ABCC2: variants seen among roughly 807,000 people sequenced by gnomAD.
ABCC2 encodes ATP binding cassette subfamily C member 2.
ABCC2 carries 157 observed loss-of-function variants against 173.4 expected under a neutral mutation model. The ratio of observed to expected loss-of-function variants is 0.91; its 90% CI spans 0.80 to 1.03. ABCC2 has a LOEUF of 1.03. ABCC2 is among the 50% of genes least tolerant of loss of function. The pLI is 0.00. For synonymous variants in ABCC2, 657 were observed against 693.5 expected (o/e 0.95, Z 0.83); for missense variants, 1,822 against 1,852.3 (o/e 0.98, Z 0.30).
At chr10:99,816,531 C>T (rs7900740) in intron 16 of ABCC2, among the ~76,000 whole-genome samples, 3,332 of 152,178 alleles carry the variant, frequency 0.022, 137 homozygotes, top group African/African-American at 0.075. Flanking sequence ...CCGCCCACTT[C>T]GGCCTCCCAA....
rs1479117074 is a variant in ABCC2, at chr10:99,846,989, G to A, written c.4175G>A (p.Arg1392Lys). Residue 1392 changes from arginine (R) to lysine (K), a missense_variant, in exon 30 of 32, where the codon AGG (arginine) becomes AAG (lysine). By Grantham distance (26) the Arg-to-Lys change is conservative (BLOSUM62 2). Coordinates refer to ENST00000647814, the MANE Select transcript of ABCC2 (RefSeq NM_000392.5). The part of the protein sequence containing the change: ...QDPILFSGSL[R>K]MNLDPFNNYS... ...CCCATCCTGTTCTCTGGAAGCCTGAGGATGAATCTCGACCCTTTCAACAAC... is the reference window on the plus strand; with the variant it reads ...CCCATCCTGTTCTCTGGAAGCCTGAAGATGAATCTCGACCCTTTCAACAAC... 5 of 1,614,034 alleles carry A rather than the reference G, an allele frequency of 3.1e-6. No homozygotes were observed. The highest frequency in any genetic ancestry group is 1.3e-5 in the African/African-American group (1 of 75,042).
chr10:99,827,828 C>T (rs1404950040), intron 19 of ABCC2, among the ~76,000 whole-genome samples: 3 of 145,562 alleles, frequency 2.1e-5, no homozygotes, highest in Non-Finnish European at 4.5e-5. Flanking sequence ...ATTACCCTAG[C>T]TTCTTCCGAG....
At chr10:99,814,692 T>G (rs1316480069) in intron 16 of ABCC2, among the ~76,000 whole-genome samples, 1 of 143,588 alleles carries the variant, frequency 7.0e-6, no homozygotes, top group Non-Finnish European at 1.6e-5. Flanking sequence ...CACGTGTATA[T>G]ACACATATAT....
Position 99,831,630 on chromosome 10 carries a change from T to C in ABCC2, c.2903T>C (p.Leu968Pro). 1 of 1,614,164 alleles carries C rather than the reference T, an allele frequency of 6.2e-7. No individual in the cohort carries two copies. The highest frequency in any genetic ancestry group is 8.5e-7 in the Non-Finnish European group (1 of 1,179,990). ...TTGCAGGTGAAGTTCTCCATCTACCTGGAGTACCTACAAGCAATAGGATTG... is the reference window on the plus strand; with the variant it reads ...TTGCAGGTGAAGTTCTCCATCTACCCGGAGTACCTACAAGCAATAGGATTG... ...ETGKVKFSIY[L>P]EYLQAIGLFS... Residue 968 changes from leucine (L) to proline (P), a missense_variant, in exon 22 of 32, where the codon CTG becomes CCG. By Grantham distance (98) the Leu-to-Pro change is moderately conservative. Transcript: ENST00000647814.
intron 31 of ABCC2, 67 bp downstream of exon 31, chr10:99,850,863 C>A: frequency 6.5e-7 from 1 of 1,549,840 alleles, no homozygotes; most frequent in Non-Finnish European, 8.9e-7. Flanking sequence ...CAGTGTCAGC[C>A]GGGAAACACC....
intron 27 of ABCC2, 107 bp from the exon 28 acceptor site, chr10:99,844,215 C>G (rs891933424): frequency 7.2e-7 from 1 of 1,386,256 alleles, no homozygotes; most frequent in Non-Finnish European, 1.0e-6. Flanking sequence ...CATTAGGTAG[C>G]TGGGACACTG....
intron 2 of ABCC2, among the ~76,000 whole-genome samples, chr10:99,787,836 G>C (rs528624214): frequency 6.6e-6 from 1 of 152,090 alleles, no homozygotes; most frequent in Non-Finnish European, 1.5e-5. Flanking sequence ...GCTGAAGTGG[G>C]AGAATTGCTT....
In ABCC2 at chr10:99,851,936, G is replaced by A; in HGVS notation, c.*305G>A. On this transcript the variant is annotated 3_prime_UTR_variant, in exon 32 of 32. Transcript: ENST00000647814. ...CATTTCTGTTTTATCACCTTTGTATGTATCTTTAAACAACATATACCCTTT... is the reference window on the plus strand; with the variant it reads ...CATTTCTGTTTTATCACCTTTGTATATATCTTTAAACAACATATACCCTTT... 1 of 274,170 alleles carries A rather than the reference G, an allele frequency of 3.6e-6. No homozygotes were observed. Among genetic ancestry groups the A allele is most frequent in the Non-Finnish European group, 6.9e-6 (1 of 145,618 alleles). 17.0% of individuals were successfully genotyped at this position (274,170 alleles called of 1,614,324 possible). A position where few individuals can be genotyped will look rare whatever the true frequency, so the allele number is the denominator to read the frequency against.
intron 21 of ABCC2, 101 bp from the exon 22 acceptor site, chr10:99,831,510 C>T (rs1023905202): frequency 3.6e-5 from 42 of 1,177,306 alleles, no homozygotes; most frequent in Non-Finnish European, 4.6e-5. Flanking sequence ...GCTACCCATG[C>T]TCCCAGGGGA....
intron 31 of ABCC2, 27 bp downstream of exon 31, chr10:99,850,823 ACGG>A: frequency 6.2e-7 from 1 of 1,613,446 alleles, no homozygotes. Context: ...AGGGCTTGAC[ACGG>A]ATGGCTTAAC....
At chr10:99,808,649 A>G (rs2038157202) in intron 13 of ABCC2, among the ~76,000 whole-genome samples, 1 of 152,176 alleles carries the variant, frequency 6.6e-6, no homozygotes, top group Non-Finnish European at 1.5e-5. Flanking sequence ...TGGTCAAACC[A>G]AATGCAAATT....
At chr10:99,841,837 T>C (rs1196247650) in intron 25 of ABCC2, 130 bp from the exon 26 acceptor site, 3 of 1,198,102 alleles carry the variant, frequency 2.5e-6, no homozygotes, top group African/African-American at 3.0e-5. Context: ...CTAAGTCAAA[T>C]TGAGGCATTG....
intron 6 of ABCC2, among the ~76,000 whole-genome samples, chr10:99,795,781 A>T (rs561200913): frequency 0.039 from 5,584 of 144,136 alleles, 201 homozygotes; most frequent in Non-Finnish European, 0.053. Context: ...GAAAGAAAGA[A>T]AGAAAGAAAG....
intron 17 of ABCC2, 43 bp downstream of exon 17, chr10:99,817,527 G>A (rs939256970): frequency 3.1e-6 from 5 of 1,607,368 alleles, no homozygotes; most frequent in Non-Finnish European, 3.4e-6. Context: ...AAGGCATATT[G>A]AAGAGAAAAA....
intron 8 of ABCC2, among the ~76,000 whole-genome samples, chr10:99,799,856 C>T (rs573532498): frequency 6.6e-6 from 1 of 152,202 alleles, no homozygotes; most frequent in Non-Finnish European, 1.5e-5. Flanking sequence ...TATCCATTCT[C>T]ACAGCCATGG....
rs2037852839 is a variant in ABCC2, at chr10:99,793,968, C to A, written c.545C>A (p.Ser182Ter). 1 of 1,612,612 alleles carries A rather than the reference C, an allele frequency of 6.2e-7. No homozygotes were observed. Among genetic ancestry groups the A allele is most frequent in the Admixed American group, 1.7e-5 (1 of 59,994 alleles). The part of the protein sequence containing the change: ...YGFQILILIF[S>*]AFSENNESSN... ...TTCCAGATCCTGATCCTGATCTTTT[C>A]AGCATTTTCAGAAAATAATGAGTCA... Residue 182 changes from serine (S) to a stop codon, truncating the protein, a stop_gained, in exon 5 of 32, where the codon TCA becomes TAA. Coordinates refer to ENST00000647814, the MANE Select transcript of ABCC2 (RefSeq NM_000392.5). LOFTEE classifies it high-confidence loss of function.
At chr10:99,801,383 C>T (rs922716235) in intron 9 of ABCC2, among the ~76,000 whole-genome samples, 2 of 152,030 alleles carry the variant, frequency 1.3e-5, no homozygotes, top group Non-Finnish European at 1.5e-5. Flanking sequence ...ACTACAGGCA[C>T]GTGCCACCAC....
At chr10:99,842,947 G>A (rs1564700394) in intron 26 of ABCC2, among the ~76,000 whole-genome samples, 1 of 152,092 alleles carries the variant, frequency 6.6e-6, no homozygotes, top group Non-Finnish European at 1.5e-5. Context: ...CAGCTACTGG[G>A]GAGGCTGAGG....
chr10:99,847,033 T>C lies in ABCC2; in HGVS notation c.4219T>C (p.Trp1407Arg). 1 of 1,614,214 alleles carries C rather than the reference T, an allele frequency of 6.2e-7. No homozygotes were observed. The highest frequency in any genetic ancestry group is 1.1e-5 in the South Asian group (1 of 91,086). The change falls in exon 30 of 32, where the codon TGG (tryptophan) becomes CGG (arginine). Residue 1407 changes from tryptophan to arginine, a missense_variant. Transcript: ENST00000647814. ...PFNNYSDEEIWKALELAHLKS... is the reference protein window; with the variant it reads ...PFNNYSDEEIRKALELAHLKS... ...CAACAACTACTCAGATGAGGAGATT[T>C]GGAAGGCCTTGGAGCTGGCTCACCT...
Sources: gnomAD v4.1 joint callset for allele counts (sites outside exome capture counted in the v4.1 genomes callset) on GRCh38, gnomAD v4.1.1 for gene constraint, MANE v1.5 for transcripts, NCBI Gene and HGNC (gene_info 2026-07-23, HGNC 2026-07-21) for gene names.